Variants in CCDC33 observed in about 807,000 individuals in gnomAD.
The protein encoded by CCDC33 is coiled-coil domain-containing protein 33.
In CCDC33, 94 loss-of-function variants were observed where a neutral mutation model predicts 91.9. The ratio of observed to expected loss-of-function variants is 1.02; its 90% CI spans 0.87 to 1.21. CCDC33 has a LOEUF of 1.21. CCDC33 is among the 50% of genes most tolerant of loss of function. The pLI, the probability that CCDC33 is intolerant of heterozygous loss-of-function variation, is 0.00. For missense variants in CCDC33, 940 were observed against 935.5 expected (o/e 1.00, Z -0.06); for synonymous variants, 396 against 374.5 (o/e 1.06, Z -0.66).
Position 74,280,117 on chromosome 15 carries a change from A to C in CCDC33, c.889+25A>C, listed in dbSNP as rs114214926. ...AGTACGTGACCCCTGGTGCCTCGCC[A>C]GGGCAGCCATGCCTCAGGAGATCTG... On this transcript the variant is annotated intron_variant, in intron 8 of 18. Transcript: ENST00000398814. 3.8e-4 allele frequency: 611 copies of C among 1,613,290 alleles called. 2 individuals are homozygous for C. In the African/African-American group the frequency reaches 7.2e-3, roughly 19 times the overall value.
Position 74,316,155 on chromosome 15 carries a change from A to G in CCDC33, c.1291-14034A>G, listed in dbSNP as rs2060085311. On this transcript the variant is annotated intron_variant, in intron 11 of 18. Coordinates refer to ENST00000398814, the MANE Select transcript of CCDC33 (RefSeq NM_025055.5). The surrounding 1 kb of genome is among the most constrained non-coding windows in gnomAD (Gnocchi z 4.7). ...TTTTATAGATGAAATGCCTGAGACC[A>G]GGCGGGAGCCCCTGGGGCCTCCCTG... Among the ~76,000 whole-genome samples the G allele has an allele frequency of 6.6e-6, 1 of 152,174 alleles. No individual in the cohort carries two copies. Among genetic ancestry groups the G allele is most frequent in the African/African-American group, 2.4e-5 (1 of 41,452 alleles).
At chr15:74,203,111 G>T in intron 1 of CCDC33, 2 of 985,582 alleles carry the variant, frequency 2.0e-6, no homozygotes, top group Non-Finnish European at 1.2e-6. Context: ...GAGACGGACC[G>T]CTGGGGCTGG....
chr15:74,244,772 A>G lies in CCDC33; in HGVS notation c.185+624A>G, dbSNP rs2075465723. On this transcript the variant is annotated intron_variant, in intron 2 of 18. Transcript: ENST00000398814. The surrounding 1 kb of genome is among the most constrained non-coding windows in gnomAD (Gnocchi z 4.2). ...TCTTCCAGAAAGGCGCCAAGGGGCA[A>G]CACAATCTCCATCCAGCCAACCTTC... 6.6e-6 allele frequency among the ~76,000 whole-genome samples: 1 copy of G among 152,206 alleles called. No individual in the cohort carries two copies. The highest frequency in any genetic ancestry group is 1.9e-4 in the East Asian group (1 of 5,196).
At chr15:74,277,939 A>G (rs926756238) in intron 7 of CCDC33, among the ~76,000 whole-genome samples, 2 of 152,166 alleles carry the variant, frequency 1.3e-5, no homozygotes, top group African/African-American at 4.8e-5. Context: ...AGGTGCCCCA[A>G]TGCCTGGCAG....
chr15:74,251,885 G>A (rs2075721299), intron 2 of CCDC33, among the ~76,000 whole-genome samples: 1 of 152,154 alleles, frequency 6.6e-6, no homozygotes, highest in African/African-American at 2.4e-5. Flanking sequence ...GATAAAGAAG[G>A]TTACAGTTAT....
intron 11 of CCDC33, among the ~76,000 whole-genome samples, chr15:74,309,591 G>A (rs2059953914): frequency 6.6e-6 from 1 of 152,180 alleles, no homozygotes; most frequent in South Asian, 2.1e-4. Context: ...GCTTCTGTGA[G>A]CCATGAAGAG....
chr15:74,334,310 G>C (rs2060510103), intron 17 of CCDC33, among the ~76,000 whole-genome samples: 1 of 151,650 alleles, frequency 6.6e-6, no homozygotes, highest in South Asian at 2.1e-4. Flanking sequence ...GTACAATCAG[G>C]GTCAGGGCTC....
chr15:74,326,438 A>T (rs2060311600), intron 11 of CCDC33, among the ~76,000 whole-genome samples: 1 of 152,222 alleles, frequency 6.6e-6, no homozygotes, highest in African/African-American at 2.4e-5. Context: ...TCTCCACAGC[A>T]ACCCCCCTTG....
intron 11 of CCDC33, among the ~76,000 whole-genome samples, chr15:74,309,365 A>G (rs887005990): frequency 2.0e-5 from 3 of 152,142 alleles, no homozygotes; most frequent in African/African-American, 7.2e-5. Flanking sequence ...CCTGGCGTGC[A>G]GTGGGTGCTC....
intron 2 of CCDC33, among the ~76,000 whole-genome samples, chr15:74,257,603 C>A (rs568370255): frequency 6.6e-6 from 1 of 152,312 alleles, no homozygotes; most frequent in African/African-American, 2.4e-5. Flanking sequence ...GAACCACAGC[C>A]TCCCTCTCCT....
At chr15:74,216,725 C>T (rs980885657), upstream of CCDC33, among the ~76,000 whole-genome samples, 28 of 147,512 alleles carry the variant, frequency 1.9e-4, no homozygotes, top group Non-Finnish European at 3.6e-4. Flanking sequence ...GACTCCCCTA[C>T]ACCCCAAGTC....
At chr15:74,231,944 G>A (rs2074985190), upstream of CCDC33, among the ~76,000 whole-genome samples, 1 of 152,204 alleles carries the variant, frequency 6.6e-6, no homozygotes, top group Non-Finnish European at 1.5e-5. Flanking sequence ...AACCCAGGAG[G>A]CGGAGGTTGC....
At chr15:74,268,959 C>T (rs1042163629) in intron 5 of CCDC33, among the ~76,000 whole-genome samples, 1 of 152,210 alleles carries the variant, frequency 6.6e-6, no homozygotes, top group Non-Finnish European at 1.5e-5. Context: ...ACTGGTCTGG[C>T]GATTAGGTAT....
chr15:74,336,451 T>C, downstream of CCDC33: 1 of 1,274,974 alleles, frequency 7.8e-7, no homozygotes, highest in Non-Finnish European at 1.0e-6. Flanking sequence ...ACATCTATCA[T>C]GTCTGATATT....
At chr15:74,265,634 G>A (rs971468374) in intron 3 of CCDC33, among the ~76,000 whole-genome samples, 2 of 152,314 alleles carry the variant, frequency 1.3e-5, no homozygotes, top group African/African-American at 4.8e-5. Context: ...GCTGAGACAT[G>A]CCTGGCACAT....
intron 11 of CCDC33, among the ~76,000 whole-genome samples, chr15:74,323,677 G>A (rs927678375): frequency 2.6e-5 from 4 of 151,598 alleles, no homozygotes; most frequent in East Asian, 2.0e-4. Context: ...ACAGGCACCC[G>A]CCACCACGCC....
intron 2 of CCDC33, among the ~76,000 whole-genome samples, chr15:74,256,203 C>T (rs187029278): frequency 1.3e-5 from 2 of 152,330 alleles, no homozygotes; most frequent in African/African-American, 4.8e-5. Flanking sequence ...CAGTCGCCAG[C>T]ACTAGGGTAT....
intron 2 of CCDC33, among the ~76,000 whole-genome samples, chr15:74,251,264 AG>A: frequency 6.6e-6 from 1 of 152,316 alleles, no homozygotes; most frequent in Non-Finnish European, 1.5e-5. Flanking sequence ...CTCCAGGCCC[AG>A]GGTGTCCCAT....
chr15:74,291,410 G>A (rs902565630), intron 10 of CCDC33, among the ~76,000 whole-genome samples: 2 of 152,238 alleles, frequency 1.3e-5, no homozygotes, highest in Non-Finnish European at 2.9e-5. Flanking sequence ...AATTACTAGC[G>A]ATTGGAAGCA....
Sources: gnomAD v4.1 joint callset for allele counts (sites outside exome capture counted in the v4.1 genomes callset) on GRCh38, gnomAD v4.1.1 for gene constraint, Gnocchi (gnomAD v3.1) non-coding constraint, MANE v1.5 for transcripts, NCBI Gene and HGNC (gene_info 2026-07-23, HGNC 2026-07-21) for gene names.